PLAC1: variants seen among roughly 807,000 people sequenced by gnomAD.
The protein encoded by PLAC1 is placenta-specific protein 1.
For synonymous variants in PLAC1, 68 were observed against 62.1 expected (o/e 1.09, Z -0.44); for missense variants, 136 against 163.2 (o/e 0.83, Z 0.91).
Position 134,640,807 on chromosome X carries a change from C to A in PLAC1, c.-131+17521G>T, listed in dbSNP as rs73224752. Among the ~76,000 whole-genome samples the A allele has an allele frequency of 4.5e-3, 506 of 112,338 alleles. 1 individual carries two copies. The highest frequency in any genetic ancestry group is 7.4e-3 in the Non-Finnish European group (395 of 53,219). On this transcript the variant is annotated intron_variant, in intron 1 of 2. Transcript: ENST00000359237. Reference sequence around the variant, plus strand: ...AGCACATTTGCTGTCAACAAAACAACCTTAGAAAGGTCTGAGTAATGGGGC... The same window carrying A: ...AGCACATTTGCTGTCAACAAAACAAACTTAGAAAGGTCTGAGTAATGGGGC...
Position 134,666,221 on chromosome X carries a change from G to A in PLAC1, n.175-64099C>T, listed in dbSNP as rs139520810. Among the ~76,000 whole-genome samples, 14 of 111,206 alleles carry A rather than the reference G, an allele frequency of 1.3e-4. 1 individual carries two copies. The highest frequency in any genetic ancestry group is 4.6e-3 in the Middle Eastern group (1 of 218). ...TCTCCTGAAGGCACGAGTCAGGATC[G>A]TCAGTTGCTAGGTAGGGCCAAAGCT... On this transcript the variant is annotated intron_variant and non_coding_transcript_variant, in intron 2 of 2. Coordinates refer to the PLAC1 transcript ENST00000466797.
intron 2 of PLAC1, among the ~76,000 whole-genome samples, chrX:134,702,263 A>G (rs2078585864): frequency 9.0e-6 from 1 of 111,662 alleles, no homozygotes; most frequent in Non-Finnish European, 1.9e-5. Flanking sequence ...CCAAAAGAAA[A>G]CTAAATGTTC....
chrX:134,663,271 G>C (rs1043249186), upstream of PLAC1, among the ~76,000 whole-genome samples: 2 of 112,870 alleles, frequency 1.8e-5, no homozygotes, highest in African/African-American at 6.4e-5. Context: ...AACCATGCTT[G>C]TTTGTTAATT....
intron 1 of PLAC1, among the ~76,000 whole-genome samples, chrX:134,628,819 C>T (rs1428808379): frequency 1.8e-5 from 2 of 111,791 alleles, no homozygotes; most frequent in Non-Finnish European, 3.8e-5. Context: ...GTGCCTGTTT[C>T]CTTATCAGTG....
Position 134,565,996 on chromosome X carries a change from T to C in PLAC1, c.*48A>G. The C allele has an allele frequency of 9.2e-7, 1 of 1,092,623 alleles. No individual in the cohort carries two copies. The highest frequency in any genetic ancestry group is 2.0e-5 in the South Asian group (1 of 50,685). The allele number at this position is 1,092,623 out of a possible 1,213,427, so 90.0% of individuals were successfully genotyped here. ...TTATTTGTCAGACATTTGTACACTA[T>C]ATACTAATTCTAGAAATAGCATCTT... On this transcript the variant is annotated 3_prime_UTR_variant, in exon 3 of 3. Transcript: ENST00000359237.
chrX:134,647,645 T>C (rs1179514036), intron 1 of PLAC1, among the ~76,000 whole-genome samples: 1 of 111,008 alleles, frequency 9.0e-6, no homozygotes, highest in Non-Finnish European at 1.9e-5. Context: ...CTGACCTTAA[T>C]GGGATAGAAA....
At chrX:134,569,933 C>T (rs2077898604) in intron 2 of PLAC1, among the ~76,000 whole-genome samples, 1 of 110,703 alleles carries the variant, frequency 9.0e-6, no homozygotes, top group Non-Finnish European at 1.9e-5. Context: ...TCAAGCGATT[C>T]TTCTGCCTCA....
intron 2 of PLAC1, among the ~76,000 whole-genome samples, chrX:134,568,460 T>C (rs1223866532): frequency 8.9e-6 from 1 of 112,206 alleles, no homozygotes; most frequent in African/African-American, 3.2e-5. Context: ...GGATGAAATG[T>C]TTTGTTTCTG....
At chrX:134,571,741 C>T (rs1342620394) in intron 2 of PLAC1, among the ~76,000 whole-genome samples, 1 of 111,281 alleles carries the variant, frequency 9.0e-6, no homozygotes, top group Non-Finnish European at 1.9e-5. Context: ...TAAGAGAAAT[C>T]GCTTTGAAAG....
At chrX:134,584,464 G>T (rs778566560) in intron 2 of PLAC1, among the ~76,000 whole-genome samples, 1 of 111,782 alleles carries the variant, frequency 8.9e-6, no homozygotes, top group Admixed American at 9.5e-5. Context: ...AGATTTTGAC[G>T]TGAAGGATTT....
intron 2 of PLAC1, among the ~76,000 whole-genome samples, chrX:134,600,465 C>A (rs1251253815): frequency 8.9e-6 from 1 of 111,926 alleles, no homozygotes. Flanking sequence ...CTGTACCCCA[C>A]CCCTCAGAGC....
intron 2 of PLAC1, among the ~76,000 whole-genome samples, chrX:134,589,301 CCAT>C (rs72327103): frequency 0.031 from 3,496 of 111,349 alleles, 138 homozygotes; most frequent in African/African-American, 0.11. Context: ...GCAAATGGTT[CCAT>C]CAACCCCTGG....
At chrX:134,642,642 T>G (rs768441818) in intron 1 of PLAC1, among the ~76,000 whole-genome samples, 13 of 110,677 alleles carry the variant, frequency 1.2e-4, no homozygotes, top group Admixed American at 3.9e-4. Flanking sequence ...ATGCATAAAC[T>G]GAAGAATGAG....
chrX:134,748,877 C>T (rs1479853468), intron 1 of PLAC1, among the ~76,000 whole-genome samples: 1 of 112,188 alleles, frequency 8.9e-6, no homozygotes, highest in Non-Finnish European at 1.9e-5. Flanking sequence ...CGTATTGTCC[C>T]TTACTGGCCA....
At chrX:134,724,918 C>T (rs1426153551) in intron 2 of PLAC1, among the ~76,000 whole-genome samples, 1 of 110,188 alleles carries the variant, frequency 9.1e-6, no homozygotes, top group Non-Finnish European at 1.9e-5. Flanking sequence ...GGGAGGATCG[C>T]TGGAGCCTGG....
chrX:134,584,765 A>G (rs990564855), intron 2 of PLAC1, among the ~76,000 whole-genome samples: 3 of 111,481 alleles, frequency 2.7e-5, no homozygotes, highest in Non-Finnish European at 5.6e-5. Flanking sequence ...TTGTTACTAC[A>G]TCACTGGAAA....
chrX:134,756,841 T>C (rs1194110639), intron 1 of PLAC1, among the ~76,000 whole-genome samples: 3 of 105,275 alleles, frequency 2.8e-5, no homozygotes, highest in Admixed American at 1.0e-4. Flanking sequence ...AGAGCAAGAC[T>C]CCGTCTCAAA....
At chrX:134,566,773 T>C (rs1440988818) in intron 2 of PLAC1, 33 bp from the exon 3 acceptor site, 1 of 705,348 alleles carries the variant, frequency 1.4e-6, no homozygotes, top group Non-Finnish European at 2.1e-6. Flanking sequence ...AGGCAAGTCA[T>C]CTTATTTTCT....
chrX:134,574,670 G>T (rs1156306538), intron 2 of PLAC1, among the ~76,000 whole-genome samples: 1 of 111,709 alleles, frequency 9.0e-6, no homozygotes, highest in Non-Finnish European at 1.9e-5. Flanking sequence ...CCATCCCTGT[G>T]ATAAGTCGTC....
Sources: allele counts gnomAD v4.1 joint callset (sites outside exome capture counted in the v4.1 genomes callset), GRCh38; gene constraint gnomAD v4.1.1; transcripts MANE v1.5; gene names NCBI Gene and HGNC (gene_info 2026-07-23, HGNC 2026-07-21).